PPP6R2: variants seen among roughly 807,000 people sequenced by gnomAD.
PPP6R2 encodes the protein protein phosphatase 6 regulatory subunit 2.
In PPP6R2, 62 loss-of-function variants were observed where a neutral mutation model predicts 100.2. That is an observed-to-expected ratio of 0.62 (90% confidence interval 0.50 to 0.76). PPP6R2 has a LOEUF of 0.76. Among genes scored for constraint, PPP6R2 ranks in the 30% least tolerant of loss-of-function variants. PPP6R2 has a pLI of 0.00. For missense variants in PPP6R2, 1,142 were observed against 1,276.3 expected (o/e 0.89, Z 1.60); for synonymous variants, 525 against 514.7 (o/e 1.02, Z -0.27).
In PPP6R2 at chr22:50,407,350, AAAG is replaced by A. The variant is rs1342583239; in HGVS notation, c.414+479_414+481del. The A allele has an allele frequency of 7.9e-5, 13 of 164,728 alleles. No individual in the cohort carries two copies. The East Asian group carries it at 1.5e-3, about 19-fold the overall frequency. 10.2% of individuals were successfully genotyped at this position (164,728 alleles called of 1,614,324 possible). On this transcript the variant is annotated intron_variant, in intron 4 of 23. Coordinates refer to ENST00000612753, the MANE Select transcript of PPP6R2 (RefSeq NM_001242898.2). ...CAACAGAGTGAGACTGTCTCAAAAA[AAAG>A]AAGGAGTGTTTCTTATAGCTGGCTC...
At chr22:50,422,180 G>T (rs1269769723) in intron 8 of PPP6R2, 74 bp from the exon 9 acceptor site, 2 of 1,553,534 alleles carry the variant, frequency 1.3e-6, no homozygotes, top group African/African-American at 2.7e-5. Flanking sequence ...GGAAGAAGCG[G>T]GTGCACTGAG....
intron 1 of PPP6R2, among the ~76,000 whole-genome samples, chr22:50,355,859 A>T (rs1364742375): frequency 6.6e-6 from 1 of 150,966 alleles, no homozygotes; most frequent in Non-Finnish European, 1.5e-5. Context: ...AAAACCAAAA[A>T]AAAAGCTTTT....
intron 21 of PPP6R2, 116 bp downstream of exon 21, chr22:50,440,165 C>T (rs562030013): frequency 1.1e-4 from 98 of 923,248 alleles, no homozygotes; most frequent in Non-Finnish European, 1.4e-4. Flanking sequence ...CATGCTGCTA[C>T]GTCTCTGGTG....
At chr22:50,355,235 T>C (rs1020118733) in intron 1 of PPP6R2, among the ~76,000 whole-genome samples, 6 of 150,964 alleles carry the variant, frequency 4.0e-5, no homozygotes, top group South Asian at 2.1e-4. Context: ...CCTTCTTTTT[T>C]TTTTTTTTTT....
rs750386802 is a variant in PPP6R2 at position 50,418,987 on chromosome 22, C to T, written c.731+8C>T. 3.1e-6 allele frequency: 5 copies of T among 1,605,536 alleles called. No homozygotes were observed. The Admixed American group carries it at 8.3e-5, about 27-fold the overall frequency. Reference sequence around the variant, plus strand: ...CCTCACAGCGCTGGAGTCGTGAGTGCTGGTGGGCCGTGGTGCTGGTGGGCC... The same window carrying T: ...CCTCACAGCGCTGGAGTCGTGAGTGTTGGTGGGCCGTGGTGCTGGTGGGCC... On this transcript the variant is annotated splice_region_variant and intron_variant, in intron 7 of 23. Coordinates refer to ENST00000612753, the MANE Select transcript of PPP6R2 (RefSeq NM_001242898.2).
chr22:50,368,035 A>G (rs1255445635), intron 1 of PPP6R2, among the ~76,000 whole-genome samples: 7 of 152,218 alleles, frequency 4.6e-5, no homozygotes, highest in Non-Finnish European at 1.0e-4. Flanking sequence ...GCCGAGGCGG[A>G]CAGAGAGAGA....
chr22:50,384,149 A>G (rs752977733), intron 2 of PPP6R2, among the ~76,000 whole-genome samples: 5 of 152,124 alleles, frequency 3.3e-5, no homozygotes, highest in Non-Finnish European at 7.3e-5. Flanking sequence ...GGGCACTTAT[A>G]ATATGCCAGG....
upstream of PPP6R2, among the ~76,000 whole-genome samples, chr22:50,339,910 AT>A (rs2042352710): frequency 4.2e-5 from 1 of 23,948 alleles, no homozygotes. Flanking sequence ...TGTGTGTGGT[AT>A]GTGGTGTGTG....
chr22:50,402,443 C>T (rs1178919745), intron 3 of PPP6R2, among the ~76,000 whole-genome samples: 2 of 151,868 alleles, frequency 1.3e-5, no homozygotes, highest in Non-Finnish European at 2.9e-5. Context: ...TGTCCCACTG[C>T]CCTGGCCTGT....
chr22:50,390,117 A>G (rs2055153318), intron 2 of PPP6R2, among the ~76,000 whole-genome samples: 1 of 149,744 alleles, frequency 6.7e-6, no homozygotes, highest in Non-Finnish European at 1.5e-5. Flanking sequence ...TCAGCCTCCC[A>G]AGTAGCTGGG....
chr22:50,333,134 A>G, the PPP6R2 span, among the ~76,000 whole-genome samples: 1 of 152,088 alleles, frequency 6.6e-6, no homozygotes, highest in East Asian at 1.9e-4. Flanking sequence ...GTGAGACCTC[A>G]TCTCTAAATA....
At chr22:50,426,889 G>A (rs1021292030) in intron 10 of PPP6R2, among the ~76,000 whole-genome samples, 1 of 147,444 alleles carries the variant, frequency 6.8e-6, no homozygotes, top group Non-Finnish European at 1.5e-5. Flanking sequence ...CGGCCTAATT[G>A]TTAAAAACCA....
rs756433381 is a variant in PPP6R2 at position 50,437,603 on chromosome 22, A to C, written c.1781A>C (p.Asn594Thr). 1 of 1,604,136 alleles carries C rather than the reference A, an allele frequency of 6.2e-7. No homozygotes were observed. The highest frequency in any genetic ancestry group is 1.1e-5 in the South Asian group (1 of 90,842). The change falls in exon 16 of 24, where the codon AAT (asparagine) becomes ACT (threonine). Residue 594 changes from asparagine to threonine, a missense_variant and splice_region_variant. By Grantham distance (65) the Asn-to-Thr change is moderately conservative. Coordinates refer to ENST00000612753, the MANE Select transcript of PPP6R2 (RefSeq NM_001242898.2). The part of the protein sequence containing the change: ...EEFADQDDNI[N>T]APFDRIAEIN... ...TTTGCCGACCAGGACGACAACATCA[A>C]GTGAGTCTACTTGGAGCGCACTCTG...
chr22:50,355,364 G>A (rs966244757), intron 1 of PPP6R2, among the ~76,000 whole-genome samples: 19 of 144,896 alleles, frequency 1.3e-4, no homozygotes, highest in Admixed American at 1.4e-4. Flanking sequence ...CAGCCTCTCC[G>A]AGTAGCTGGG....
intron 1 of PPP6R2, among the ~76,000 whole-genome samples, chr22:50,346,598 T>C (rs2147961393): frequency 7.8e-6 from 1 of 127,896 alleles, no homozygotes; most frequent in East Asian, 2.6e-4. Context: ...TAGCTAGTCA[T>C]TGCACCTCAC....
chr22:50,340,376 G>GGT (rs2042358751), upstream of PPP6R2, among the ~76,000 whole-genome samples: 1 of 137,714 alleles, frequency 7.3e-6, no homozygotes, highest in Non-Finnish European at 1.6e-5. Flanking sequence ...TGTGGTATGT[G>GGT]GTGTGTATGG....
At chr22:50,342,765 C>T (rs1480298522), upstream of PPP6R2, among the ~76,000 whole-genome samples, 1 of 152,222 alleles carries the variant, frequency 6.6e-6, no homozygotes, top group Non-Finnish European at 1.5e-5. Context: ...TGCAAAACGC[C>T]GTGCAAGAAC....
upstream of PPP6R2, among the ~76,000 whole-genome samples, chr22:50,338,916 G>C (rs1160510668): frequency 3.9e-4 from 40 of 101,922 alleles, no homozygotes; most frequent in Admixed American, 1.5e-3. Flanking sequence ...GTGTGGTAGT[G>C]TGTGTGGTAT....
chr22:50,377,693 T>C (rs892350097), intron 2 of PPP6R2, among the ~76,000 whole-genome samples: 1 of 151,948 alleles, frequency 6.6e-6, no homozygotes, highest in Non-Finnish European at 1.5e-5. Context: ...AGACTAAAAT[T>C]TCTCAGAATT....
Sources: gnomAD v4.1 joint callset for allele counts (sites outside exome capture counted in the v4.1 genomes callset) on GRCh38, gnomAD v4.1.1 for gene constraint, MANE v1.5 for transcripts, NCBI Gene and HGNC (gene_info 2026-07-23, HGNC 2026-07-21) for gene names.